The following MYOM1 variants were observed in gnomAD, a reference collection of about 807,000 sequenced individuals.
MYOM1 encodes the protein myomesin 1.
A neutral mutation model predicts 205.3 loss-of-function variants in MYOM1; 164 were observed. The ratio of observed to expected loss-of-function variants is 0.80; its 90% CI spans 0.70 to 0.91. The LOEUF is 0.91. MYOM1 is among the 40% of genes least tolerant of loss of function. MYOM1 has a pLI of 0.00. For synonymous variants in MYOM1, 772 were observed against 789.4 expected (o/e 0.98, Z 0.37); for missense variants, 2,011 against 2,127.3 (o/e 0.95, Z 1.08).
chr18:3,093,092 C>T (rs1041009937), intron 26 of MYOM1, among the ~76,000 whole-genome samples: 40 of 152,134 alleles, frequency 2.6e-4, no homozygotes, highest in African/African-American at 8.7e-4. Context: ...GTGACTTGTT[C>T]TGGCCCCACA....
Position 3,075,713 on chromosome 18 carries a change from C to G in MYOM1, c.4685+12G>C. On this transcript the variant is annotated intron_variant, in intron 35 of 37. Transcript: ENST00000356443. ...TGCATGCAAGTGGCATTTGCTAGGA[C>G]CAGGGACTTACTTCAACCTCTGGAA... 1.2e-6 allele frequency: 2 copies of G among 1,603,230 alleles called. No homozygotes were observed. Among genetic ancestry groups the G allele is most frequent in the South Asian group, 2.2e-5 (2 of 89,632 alleles).
At chr18:3,193,151 G>A (rs2080935934) in intron 3 of MYOM1, among the ~76,000 whole-genome samples, 1 of 151,940 alleles carries the variant, frequency 6.6e-6, no homozygotes, top group African/African-American at 2.4e-5. Flanking sequence ...GCTCGTGCCT[G>A]TGGACCCAGC....
rs2079848347 is a variant in MYOM1, at chr18:3,129,704, G to T, written c.2507-185C>A. 3 of 517,692 alleles carry T rather than the reference G, an allele frequency of 5.8e-6. No homozygotes were observed. In the South Asian group the frequency reaches 1.6e-4, roughly 27 times the overall value. The allele number at this position is 517,692 out of a possible 1,614,324, so 32.1% of individuals were successfully genotyped here. On this transcript the variant is annotated intron_variant, in intron 17 of 37. Transcript: ENST00000356443. The stretch of plus-strand genomic sequence containing the variant: ...CTACATTTCACACAATATACGCCAA[G>T]GAACATTTCACCTTCCCCGTATTCT...
chr18:3,230,428 T>G, the MYOM1 span, among the ~76,000 whole-genome samples: 1 of 152,246 alleles, frequency 6.6e-6, no homozygotes, highest in Admixed American at 6.5e-5. Flanking sequence ...TCCCGTTTTC[T>G]GAGTGACAGA....
At chr18:3,224,501 C>T (rs1301857071), upstream of MYOM1, among the ~76,000 whole-genome samples, 1 of 152,182 alleles carries the variant, frequency 6.6e-6, no homozygotes, top group African/African-American at 2.4e-5. Flanking sequence ...GAGGGCATGC[C>T]TGCCATGGTG....
intron 37 of MYOM1, among the ~76,000 whole-genome samples, chr18:3,067,996 C>A (rs895741641): frequency 3.9e-5 from 6 of 152,098 alleles, no homozygotes; most frequent in Non-Finnish European, 4.4e-5. Context: ...AGCAGAATCA[C>A]GGCAGCTGCT....
intron 9 of MYOM1, among the ~76,000 whole-genome samples, chr18:3,164,775 TA>T (rs1189443428): frequency 2.0e-5 from 3 of 152,230 alleles, no homozygotes; most frequent in African/African-American, 2.4e-5. Context: ...AGTAATGTAA[TA>T]GGGGTAATAC....
intron 21 of MYOM1, among the ~76,000 whole-genome samples, chr18:3,115,521 T>C (rs1335152896): frequency 2.6e-5 from 4 of 152,174 alleles, no homozygotes; most frequent in Non-Finnish European, 5.9e-5. Context: ...TGCCAAAAGA[T>C]AGGACTGTGC....
rs1288410094 is a variant in MYOM1 at position 3,116,333 on chromosome 18, TC to T, written c.3300del (p.Lys1101ArgfsTer18). 6.2e-7 allele frequency: 1 copy of T among 1,610,866 alleles called. No individual in the cohort carries two copies. The highest frequency in any genetic ancestry group is 1.1e-5 in the South Asian group (1 of 90,626). On this transcript the variant is annotated frameshift_variant, in exon 21 of 38. Transcript: ENST00000356443. LOFTEE classifies it high-confidence loss of function. Reference sequence around the variant, plus strand: ...TCTAGAACTGAGCAGCCTCTTACCTTCAGGTATACGTTTTTAATAGCCGCCT... The same window carrying T: ...TCTAGAACTGAGCAGCCTCTTACCTTAGGTATACGTTTTTAATAGCCGCCT... The part of the protein sequence containing the change: ...LNEAAIKNVY[L>X]KVRGLKEGVS...
Position 3,067,418 on chromosome 18 carries a change from G to C in MYOM1, c.4902C>G (p.Asn1634Lys). ...EAGRTAYFTI[N>K]GVSTADSGKY... ...TGCCCGAGTCAGCGGTGCTCACGCC[G>C]TTGATGGTGAAGTACGCGGTCCTCC... is the stretch of plus-strand genomic sequence containing the variant. The change falls in exon 38 of 38, where the codon AAC becomes AAG. Residue 1634 changes from asparagine to lysine, a missense_variant. Asn to Lys is a moderately conservative substitution (Grantham distance 94, BLOSUM62 0). Transcript: ENST00000356443. The C allele has an allele frequency of 6.2e-7, 1 of 1,613,594 alleles. No individual in the cohort carries two copies. The highest frequency in any genetic ancestry group is 8.5e-7 in the Non-Finnish European group (1 of 1,179,902).
the MYOM1 span, among the ~76,000 whole-genome samples, chr18:3,233,208 G>T: frequency 1.3e-5 from 2 of 152,138 alleles, no homozygotes; most frequent in African/African-American, 4.8e-5. Flanking sequence ...TGGACCTAGT[G>T]GACCGTACAG....
At chr18:3,124,625 G>A (rs147817170) in intron 19 of MYOM1, among the ~76,000 whole-genome samples, 7 of 151,974 alleles carry the variant, frequency 4.6e-5, no homozygotes, top group East Asian at 3.9e-4. Context: ...CACCGCGCCC[G>A]GCCCCAAACT....
chr18:3,223,257 A>G (rs2081339328), upstream of MYOM1, among the ~76,000 whole-genome samples: 1 of 152,222 alleles, frequency 6.6e-6, no homozygotes, highest in East Asian at 1.9e-4. Context: ...ATATTGTAAA[A>G]CAGTATTACT....
chr18:3,218,324 C>T (rs1220805603), intron 1 of MYOM1, among the ~76,000 whole-genome samples: 1 of 152,098 alleles, frequency 6.6e-6, no homozygotes, highest in Non-Finnish European at 1.5e-5. Flanking sequence ...AGAATGAATC[C>T]TTCTAAACTC....
intron 14 of MYOM1, among the ~76,000 whole-genome samples, chr18:3,136,169 T>C (rs139413029): frequency 0.023 from 3,550 of 152,166 alleles, 70 homozygotes; most frequent in Middle Eastern, 0.15. Context: ...CCTTCCACCA[T>C]GATTGTGAGG....
chr18:3,115,087 C>T (rs1424304401), intron 21 of MYOM1, among the ~76,000 whole-genome samples: 1 of 152,226 alleles, frequency 6.6e-6, no homozygotes, highest in South Asian at 2.1e-4. Flanking sequence ...TATACACCCA[C>T]CACCATCATC....
chr18:3,173,853 T>G, intron 8 of MYOM1, 85 bp downstream of exon 8: 15 of 1,165,402 alleles, frequency 1.3e-5, no homozygotes, highest in Non-Finnish European at 1.9e-5. Flanking sequence ...ATATATAGTA[T>G]GCATTTATTT....
chr18:3,190,666 T>C (rs185129180), intron 3 of MYOM1: 171 of 152,334 alleles, frequency 1.1e-3, no homozygotes, highest in African/African-American at 3.9e-3. Context: ...GACCTCTCAT[T>C]CTTTTTTGAA....
At chr18:3,212,443 A>G (rs2081202285) in intron 2 of MYOM1, among the ~76,000 whole-genome samples, 1 of 152,232 alleles carries the variant, frequency 6.6e-6, no homozygotes, top group Non-Finnish European at 1.5e-5. Context: ...TATTAATGAT[A>G]TATCAGACTA....
Sources: allele counts gnomAD v4.1 joint callset (sites outside exome capture counted in the v4.1 genomes callset), GRCh38; gene constraint gnomAD v4.1.1; transcripts MANE v1.5; gene names NCBI Gene and HGNC (gene_info 2026-07-23, HGNC 2026-07-21).